The following ARL6IP6 variants were observed in gnomAD, a reference collection of about 807,000 sequenced individuals.
The protein encoded by ARL6IP6 is ARF like GTPase 6 interacting protein 6, also known as ADP-ribosylation factor-like protein 6-interacting protein 6.
Under a neutral mutation model 21.5 loss-of-function variants are expected in ARL6IP6, and 22 were observed. That is an observed-to-expected ratio of 1.02 (90% CI 0.73 to 1.46). The LOEUF (loss-of-function observed/expected upper bound fraction) is 1.46, where lower values mean the gene tolerates loss of function less well. Among genes scored for constraint, ARL6IP6 ranks in the 40% most tolerant of loss-of-function variants. The pLI, the probability that ARL6IP6 is intolerant of heterozygous loss-of-function variation, is 0.00. For synonymous variants in ARL6IP6, 164 were observed against 125.3 expected (o/e 1.31, Z -2.06); for missense variants, 388 against 299.8 (o/e 1.29, Z -2.17).
intron 1 of ARL6IP6, chr2:152,719,778 AAGAAC>A: frequency 3.0e-6 from 1 of 330,518 alleles, no homozygotes; most frequent in Non-Finnish European, 6.2e-6. Flanking sequence ...AAAAAAACAA[AAGAAC>A]TTTGTTGTAT....
At chr2:152,726,864 A>G (rs1191870808) in intron 2 of ARL6IP6, among the ~76,000 whole-genome samples, 1 of 152,228 alleles carries the variant, frequency 6.6e-6, no homozygotes, top group Non-Finnish European at 1.5e-5. Context: ...TGATGCTGGT[A>G]TAAACCAACC....
chr2:152,718,713 C>T lies in ARL6IP6; in HGVS notation c.89C>T (p.Ser30Phe), dbSNP rs780503309. The T allele has an allele frequency of 1.9e-6, 3 of 1,608,824 alleles. No homozygotes were observed. Among genetic ancestry groups the T allele is most frequent in the Non-Finnish European group, 1.7e-6 (2 of 1,177,664 alleles). Residue 30 changes from serine to phenylalanine, a missense_variant, in exon 1 of 4, where the codon TCC (serine) becomes TTC (phenylalanine). Transcript: ENST00000326446. ...PGPVARPSYSSFTQGDSWGEG... is the reference protein window; with the variant it reads ...PGPVARPSYSFFTQGDSWGEG... ...CCTGTGGCTCGGCCATCGTATTCCTCCTTTACTCAGGGGGACAGCTGGGGT... is the reference window on the plus strand; with the variant it reads ...CCTGTGGCTCGGCCATCGTATTCCTTCTTTACTCAGGGGGACAGCTGGGGT...
At chr2:152,726,001 A>T (rs1168382744) in intron 2 of ARL6IP6, among the ~76,000 whole-genome samples, 1 of 152,236 alleles carries the variant, frequency 6.6e-6, no homozygotes, top group Non-Finnish European at 1.5e-5. Flanking sequence ...TGTTATACTG[A>T]AGATTACAAG....
upstream of ARL6IP6, chr2:152,717,669 G>C: frequency 7.1e-7 from 1 of 1,417,878 alleles, no homozygotes; most frequent in South Asian, 1.5e-5. Flanking sequence ...AAGTTTCTGC[G>C]CCGAGTCCTC....
At chr2:152,717,962 T>G, upstream of ARL6IP6, 2 of 1,007,276 alleles carry the variant, frequency 2.0e-6, no homozygotes, top group Non-Finnish European at 2.4e-6. Context: ...AAGGAGGGGT[T>G]CGGAGGAGAG....
At chr2:152,759,423 T>G (rs1334083620) in intron 3 of ARL6IP6, among the ~76,000 whole-genome samples, 1 of 152,176 alleles carries the variant, frequency 6.6e-6, no homozygotes, top group Non-Finnish European at 1.5e-5. Context: ...ATAACAAAAC[T>G]TATACCTTAG....
At chr2:152,742,881 G>A (rs1156456897) in intron 3 of ARL6IP6, among the ~76,000 whole-genome samples, 1 of 152,104 alleles carries the variant, frequency 6.6e-6, no homozygotes. Flanking sequence ...AGAAGTTTAA[G>A]CCACTTGCAC....
chr2:152,745,937 T>A (rs1319405855), intron 3 of ARL6IP6, among the ~76,000 whole-genome samples: 1 of 149,710 alleles, frequency 6.7e-6, no homozygotes, highest in Non-Finnish European at 1.5e-5. Context: ...TCTAGGAAAT[T>A]GTATTAACTA....
chr2:152,718,597 C>G (rs1334851400), upstream of ARL6IP6: 19 of 1,501,314 alleles, frequency 1.3e-5, no homozygotes, highest in Non-Finnish European at 1.6e-5. Context: ...GAGGCTCGTT[C>G]TCCGCGGGTT....
Position 152,762,385 on chromosome 2 carries a change from C to A in ARL6IP6, c.*2545C>A, listed in dbSNP as rs1163386879. 6.6e-6 allele frequency among the ~76,000 whole-genome samples: 1 copy of A among 152,156 alleles called. No homozygotes were observed. The highest frequency in any genetic ancestry group is 2.4e-5 in the African/African-American group (1 of 41,444). On this transcript the variant is annotated 3_prime_UTR_variant, in exon 4 of 4. Coordinates refer to ENST00000326446, the MANE Select transcript of ARL6IP6 (RefSeq NM_152522.7). ...AGTCAATAAATTTCTGTCTTTTGGC[C>A]TTTGCAGTTTACATTGGCTTTTGTC... is the stretch of plus-strand genomic sequence containing the variant.
chr2:152,755,644 C>A (rs1574072207), intron 3 of ARL6IP6, among the ~76,000 whole-genome samples: 1 of 152,346 alleles, frequency 6.6e-6, no homozygotes, highest in South Asian at 2.1e-4. Flanking sequence ...ACCCACGTAA[C>A]CTTACATATC....
intron 2 of ARL6IP6, among the ~76,000 whole-genome samples, chr2:152,726,794 T>C (rs1700070233): frequency 6.6e-6 from 1 of 152,196 alleles, no homozygotes; most frequent in Admixed American, 6.5e-5. Flanking sequence ...AAAATTCCTA[T>C]TTAGTGGCAT....
At chr2:152,726,146 G>GT (rs71394500) in intron 2 of ARL6IP6, among the ~76,000 whole-genome samples, 21,796 of 149,326 alleles carry the variant, frequency 0.15, 1,687 homozygotes, top group Admixed American at 0.24. Flanking sequence ...AAAGTGTTGG[G>GT]TTTTTTTTTT....
chr2:152,740,017 G>A (rs367778550), intron 3 of ARL6IP6, among the ~76,000 whole-genome samples: 37 of 152,322 alleles, frequency 2.4e-4, no homozygotes, highest in African/African-American at 4.6e-4. Flanking sequence ...CTCCCATGAC[G>A]TGGGGATTAT....
In ARL6IP6 at chr2:152,719,161, AT is replaced by A. The variant is rs897184267; in HGVS notation, c.400+138del. The A allele has an allele frequency of 1.2e-5, 12 of 1,015,280 alleles. No individual in the cohort carries two copies. In the African/African-American group the frequency reaches 1.8e-4, roughly 16 times the overall value. 62.9% of individuals were successfully genotyped at this position (1,015,280 alleles called of 1,614,324 possible). A position where few individuals can be genotyped will look rare whatever the true frequency, so the allele number is the denominator to read the frequency against. On this transcript the variant is annotated intron_variant, in intron 1 of 3. Transcript: ENST00000326446. ...GCTTTCACCCAGAGTCCTCATTTGC[AT>A]CTTACTTTGCTCTCCCGCCCTTTGC... is the stretch of plus-strand genomic sequence containing the variant.
intron 2 of ARL6IP6, among the ~76,000 whole-genome samples, chr2:152,724,723 G>A (rs1467276852): frequency 6.6e-6 from 1 of 152,208 alleles, no homozygotes; most frequent in East Asian, 1.9e-4. Context: ...AGAATCACCT[G>A]AAAGATAAAT....
intron 2 of ARL6IP6, among the ~76,000 whole-genome samples, chr2:152,725,626 CATT>C (rs1700007752): frequency 6.6e-6 from 1 of 151,442 alleles, no homozygotes; most frequent in Admixed American, 6.6e-5. Context: ...TTCCTTCAAA[CATT>C]GTGTTTTAAT....
chr2:152,759,746 G>T lies in ARL6IP6; in HGVS notation c.588-1G>T. ...TGATTTGTGTTTTTCTTTTTTTCTA[G>T]GAAACTGACTGGACATTCTTTCCAC... is the stretch of plus-strand genomic sequence containing the variant. On this transcript the variant is annotated splice_acceptor_variant, in intron 3 of 3. Transcript: ENST00000326446. LOFTEE classifies it high-confidence loss of function. 1 of 1,610,556 alleles carries T rather than the reference G, an allele frequency of 6.2e-7. No homozygotes were observed. The highest frequency in any genetic ancestry group is 8.5e-7 in the Non-Finnish European group (1 of 1,177,916).
At position 152,759,862 on chromosome 2, in the gene ARL6IP6, T is replaced by G. The variant is rs368411477; in HGVS notation, c.*22T>G. On this transcript the variant is annotated 3_prime_UTR_variant, in exon 4 of 4. Transcript: ENST00000326446. The stretch of plus-strand genomic sequence containing the variant: ...GTAAACCCACACTGGAGCGATATTG[T>G]TGGCAAAACTTAATCATGATTGTTT... 365 of 1,574,186 alleles carry G rather than the reference T, an allele frequency of 2.3e-4. 1 individual carries two copies. The South Asian group carries it at 2.4e-3, about 10-fold the overall frequency.
Sources: gnomAD v4.1 joint callset for allele counts (sites outside exome capture counted in the v4.1 genomes callset) on GRCh38, gnomAD v4.1.1 for gene constraint, MANE v1.5 for transcripts, NCBI Gene and HGNC (gene_info 2026-07-23, HGNC 2026-07-21) for gene names.